The following PPP3CA variants were observed in gnomAD, a reference collection of about 807,000 sequenced individuals.
PPP3CA encodes the protein CAM-PRP catalytic subunit.
In PPP3CA, 14 loss-of-function variants were observed where a neutral mutation model predicts 66.5. The observed-to-expected ratio is 0.21, with a 90% CI of 0.14 to 0.33. The LOEUF is 0.33. Ranked by LOEUF, PPP3CA falls within the 10% of genes least tolerant of loss-of-function variation. PPP3CA has a pLI of 1.00. For missense variants in PPP3CA, 317 were observed against 639.5 expected (o/e 0.50, Z 5.44); for synonymous variants, 232 against 226.2 (o/e 1.03, Z -0.23).
At chr4:101,201,026 A>G (rs932639793) in intron 1 of PPP3CA, among the ~76,000 whole-genome samples, 8 of 152,242 alleles carry the variant, frequency 5.3e-5, no homozygotes, top group African/African-American at 1.9e-4. Context: ...GACTTGATAC[A>G]GTATTTTAAA....
intron 1 of PPP3CA, among the ~76,000 whole-genome samples, chr4:101,328,699 T>C (rs1729279663): frequency 6.6e-6 from 1 of 152,230 alleles, no homozygotes; most frequent in Admixed American, 6.5e-5. Flanking sequence ...TCCATCAGCA[T>C]GTGCTCACTT....
intron 8 of PPP3CA, 107 bp downstream of exon 8, chr4:101,080,425 T>TA (rs1312145378): frequency 5.6e-4 from 280 of 495,968 alleles, no homozygotes; most frequent in Non-Finnish European, 7.1e-4. Flanking sequence ...GAAAAAATTT[T>TA]AAAAAAAAAG....
intron 1 of PPP3CA, chr4:101,250,410 T>C: frequency 2.2e-6 from 1 of 453,194 alleles, no homozygotes; most frequent in Non-Finnish European, 4.4e-6. Flanking sequence ...TTTCATATGT[T>C]GCCATAAGAA....
At chr4:101,325,884 T>G (rs1729190884) in intron 1 of PPP3CA, among the ~76,000 whole-genome samples, 1 of 152,136 alleles carries the variant, frequency 6.6e-6, no homozygotes, top group Non-Finnish European at 1.5e-5. Flanking sequence ...AGAAGAGTAA[T>G]CCTAGCACTT....
At chr4:101,175,457 T>C (rs1388182306) in intron 2 of PPP3CA, among the ~76,000 whole-genome samples, 1 of 152,180 alleles carries the variant, frequency 6.6e-6, no homozygotes, top group African/African-American at 2.4e-5. Context: ...TTATTCCAGC[T>C]GGTCAGTGGC....
chr4:101,160,792 T>C (rs1425701706), intron 2 of PPP3CA, among the ~76,000 whole-genome samples: 1 of 152,100 alleles, frequency 6.6e-6, no homozygotes, highest in Non-Finnish European at 1.5e-5. Context: ...AATATGTATG[T>C]GAGTGAAGGT....
Position 101,303,084 on chromosome 4 carries a change from GTGAC to G in PPP3CA, c.58+43651_58+43654del, listed in dbSNP as rs555447480. Among the ~76,000 whole-genome samples, 419 of 152,248 alleles carry G rather than the reference GTGAC, an allele frequency of 2.8e-3. 1 individual carries two copies. The highest frequency in any genetic ancestry group is 4.7e-3 in the Non-Finnish European group (321 of 68,014). On this transcript the variant is annotated intron_variant, in intron 1 of 13. Coordinates refer to ENST00000394854, the MANE Select transcript of PPP3CA (RefSeq NM_000944.5). ...ATCAAAAAGAGATTCAATCTCCACT[GTGAC>G]TACGTCAAAATGCGAGGGAAATACA...
chr4:101,127,670 T>A (rs934007908), intron 2 of PPP3CA, among the ~76,000 whole-genome samples: 1 of 152,180 alleles, frequency 6.6e-6, no homozygotes, highest in Non-Finnish European at 1.5e-5. Flanking sequence ...TGGTAGCACT[T>A]TGTTGAGGCC....
At chr4:101,047,786 T>C (rs1430386297) in intron 10 of PPP3CA, among the ~76,000 whole-genome samples, 1 of 152,078 alleles carries the variant, frequency 6.6e-6, no homozygotes, top group East Asian at 1.9e-4. Flanking sequence ...TTTAGAGATT[T>C]AACTAAATTT....
In PPP3CA at chr4:101,059,227, G is replaced by C. The variant is rs570213095; in HGVS notation, c.1156+1860C>G. Among the ~76,000 whole-genome samples the C allele has an allele frequency of 1.6e-4, 24 of 152,132 alleles. No homozygotes were observed. In the South Asian group the frequency reaches 4.8e-3, roughly 30 times the overall value. Reference sequence around the variant, plus strand: ...TAACATATGAAACATCTAGAATTTAGATAAAGCACAAAATGTCCATTGATC... The same window carrying C: ...TAACATATGAAACATCTAGAATTTACATAAAGCACAAAATGTCCATTGATC... On this transcript the variant is annotated intron_variant, in intron 10 of 13. Transcript: ENST00000394854.
chr4:101,226,375 TG>T (rs767885629), intron 1 of PPP3CA, among the ~76,000 whole-genome samples: 3 of 151,736 alleles, frequency 2.0e-5, no homozygotes, highest in Non-Finnish European at 4.4e-5. Context: ...GATATTGAAA[TG>T]GTTACATGTT....
At chr4:101,306,151 T>A (rs868299771) in intron 1 of PPP3CA, among the ~76,000 whole-genome samples, 12 of 152,280 alleles carry the variant, frequency 7.9e-5, no homozygotes, top group African/African-American at 2.9e-4. Context: ...ATGGAACATC[T>A]ATTGTTTGGC....
chr4:101,274,678 T>C (rs1037884319), intron 1 of PPP3CA, among the ~76,000 whole-genome samples: 3 of 152,344 alleles, frequency 2.0e-5, no homozygotes, highest in South Asian at 4.1e-4. Flanking sequence ...TACATATTTT[T>C]TTCATTTCTA....
At chr4:101,284,440 C>G (rs1445061696) in intron 1 of PPP3CA, among the ~76,000 whole-genome samples, 1 of 152,010 alleles carries the variant, frequency 6.6e-6, no homozygotes, top group African/African-American at 2.4e-5. Context: ...ACATTAACAC[C>G]CACAAAGCTT....
chr4:101,315,852 C>T (rs1728868310), intron 1 of PPP3CA, among the ~76,000 whole-genome samples: 1 of 151,260 alleles, frequency 6.6e-6, no homozygotes, highest in African/African-American at 2.5e-5. Context: ...CCCTTCCTCA[C>T]CCCCTTTTCT....
intron 1 of PPP3CA, among the ~76,000 whole-genome samples, chr4:101,284,025 T>C (rs1457805274): frequency 6.6e-6 from 1 of 152,222 alleles, no homozygotes; most frequent in Non-Finnish European, 1.5e-5. Context: ...AATAGTCACA[T>C]ATGACTATTG....
chr4:101,151,212 G>A (rs1723126075), intron 2 of PPP3CA, among the ~76,000 whole-genome samples: 1 of 152,100 alleles, frequency 6.6e-6, no homozygotes, highest in South Asian at 2.1e-4. Flanking sequence ...TCAATGTTCT[G>A]GCCAAATATT....
At chr4:101,153,526 C>T (rs1471453021) in intron 2 of PPP3CA, among the ~76,000 whole-genome samples, 1 of 152,174 alleles carries the variant, frequency 6.6e-6, no homozygotes, top group African/African-American at 2.4e-5. Flanking sequence ...CATCACCTCA[C>T]ATTTGTTTGT....
chr4:101,276,553 T>G (rs188788766), intron 1 of PPP3CA, among the ~76,000 whole-genome samples: 1 of 152,172 alleles, frequency 6.6e-6, no homozygotes, highest in African/African-American at 2.4e-5. Flanking sequence ...CCCCCCACAT[T>G]TGTCAGGCAG....
Sources: allele counts gnomAD v4.1 joint callset (sites outside exome capture counted in the v4.1 genomes callset), GRCh38; gene constraint gnomAD v4.1.1; transcripts MANE v1.5; gene names NCBI Gene and HGNC (gene_info 2026-07-23, HGNC 2026-07-21).